Variants in DYNC1I2 observed in about 807,000 individuals in gnomAD.
DYNC1I2 encodes the protein dynein cytoplasmic 1 intermediate chain 2.
DYNC1I2 carries 53 observed loss-of-function variants against 88.6 expected under a neutral mutation model. The ratio of observed to expected loss-of-function variants is 0.60; its 90% CI spans 0.48 to 0.75. DYNC1I2 has a LOEUF of 0.75. DYNC1I2 is among the 30% of genes least tolerant of loss of function. DYNC1I2 has a pLI of 0.00. For missense variants in DYNC1I2, 458 were observed against 766.6 expected (o/e 0.60, Z 4.75); for synonymous variants, 198 against 254.6 (o/e 0.78, Z 2.12).
intron 10 of DYNC1I2, chr2:171,726,511 C>A: frequency 5.5e-6 from 3 of 546,256 alleles, no homozygotes; most frequent in Non-Finnish European, 9.2e-6. Flanking sequence ...ATGATACAGG[C>A]CAGTTTTACT....
intron 5 of DYNC1I2, among the ~76,000 whole-genome samples, chr2:171,711,868 T>C (rs1391715260): frequency 6.6e-6 from 1 of 152,222 alleles, no homozygotes; most frequent in East Asian, 1.9e-4. Flanking sequence ...AAATGTATTG[T>C]GCTTAACTTT....
intron 14 of DYNC1I2, 141 bp downstream of exon 14, chr2:171,728,991 A>T: frequency 1.2e-6 from 1 of 869,416 alleles, no homozygotes; most frequent in Non-Finnish European, 1.7e-6. Context: ...ACATAAAATT[A>T]AAACTTAATA....
chr2:171,696,050 G>T (rs982972500), intron 3 of DYNC1I2, among the ~76,000 whole-genome samples: 2 of 152,104 alleles, frequency 1.3e-5, no homozygotes, highest in Non-Finnish European at 2.9e-5. Context: ...TATGATTGAG[G>T]TTCTTTATCT....
At chr2:171,722,074 A>G (rs914558419) in intron 7 of DYNC1I2, among the ~76,000 whole-genome samples, 1 of 152,168 alleles carries the variant, frequency 6.6e-6, no homozygotes, top group African/African-American at 2.4e-5. Flanking sequence ...GGTACAGATG[A>G]GAAAACTTGC....
intron 7 of DYNC1I2, among the ~76,000 whole-genome samples, chr2:171,719,239 A>G (rs972397290): frequency 6.6e-6 from 1 of 152,144 alleles, no homozygotes; most frequent in Non-Finnish European, 1.5e-5. Context: ...TATAAAAATG[A>G]GATATTTGGG....
intron 16 of DYNC1I2, among the ~76,000 whole-genome samples, chr2:171,745,064 T>C (rs1401430247): frequency 1.3e-5 from 2 of 152,216 alleles, no homozygotes; most frequent in Non-Finnish European, 2.9e-5. Context: ...TGGGGTTAAA[T>C]TATTTGGGGA....
intron 7 of DYNC1I2, among the ~76,000 whole-genome samples, chr2:171,720,486 A>T (rs1356440157): frequency 6.6e-6 from 1 of 152,126 alleles, no homozygotes; most frequent in Non-Finnish European, 1.5e-5. Context: ...TAATCCTAGC[A>T]CTTTGGGAGG....
intron 4 of DYNC1I2, chr2:171,707,006 A>G: frequency 1.9e-6 from 1 of 529,622 alleles, no homozygotes; most frequent in South Asian, 2.3e-5. Context: ...GATGGATGAG[A>G]TGAAGATGCA....
intron 16 of DYNC1I2, among the ~76,000 whole-genome samples, chr2:171,744,787 C>T (rs1689672998): frequency 6.6e-6 from 1 of 152,108 alleles, no homozygotes; most frequent in Non-Finnish European, 1.5e-5. Context: ...TTTTTAGTCA[C>T]ATGTATTTTT....
Position 171,712,822 on chromosome 2 carries a change from T to G in DYNC1I2, c.391T>G (p.Leu131Val), listed in dbSNP as rs748000602. The change falls in exon 6 of 18, where the codon TTG becomes GTG. Residue 131 changes from leucine (L) to valine (V), a missense_variant. Leu to Val is a conservative substitution (Grantham distance 32). Transcript: ENST00000397119. ...SVLQLHSDSD[L>V]GRGPIKLGMA... ...TCTTCAGCTTCACTCAGATTCCGAT[T>G]TGGGGTATTGAATAGATTTTTTACC... 3 of 1,612,958 alleles carry G rather than the reference T, an allele frequency of 1.9e-6. No individual in the cohort carries two copies. In the Admixed American group the frequency reaches 5.0e-5, roughly 27 times the overall value.
intron 3 of DYNC1I2, among the ~76,000 whole-genome samples, chr2:171,694,111 C>T (rs2105465732): frequency 6.6e-6 from 1 of 151,542 alleles, no homozygotes; most frequent in East Asian, 2.0e-4. Context: ...AATCTCGGCT[C>T]ACTGCAACCT....
intron 16 of DYNC1I2, among the ~76,000 whole-genome samples, chr2:171,745,422 A>G (rs1022918715): frequency 1.1e-4 from 17 of 152,242 alleles, no homozygotes; most frequent in African/African-American, 3.6e-4. Context: ...CAACTGAACC[A>G]TAATCTGCTT....
At chr2:171,719,300 A>T (rs1161848646) in intron 7 of DYNC1I2, among the ~76,000 whole-genome samples, 3 of 152,214 alleles carry the variant, frequency 2.0e-5, no homozygotes, top group Admixed American at 6.5e-5. Context: ...ATATCATTAC[A>T]GTTATTTTCA....
intron 3 of DYNC1I2, among the ~76,000 whole-genome samples, chr2:171,704,333 T>G (rs1202234193): frequency 7.3e-6 from 1 of 136,950 alleles, no homozygotes; most frequent in South Asian, 2.3e-4. Flanking sequence ...ATGGTTTAGC[T>G]TTTTTTTTTT....
intron 13 of DYNC1I2, 94 bp downstream of exon 13, chr2:171,728,512 A>C (rs975827910): frequency 2.3e-6 from 2 of 855,032 alleles, no homozygotes; most frequent in African/African-American, 3.5e-5. Flanking sequence ...ACTGTTTTAT[A>C]GTAGTGTTAC....
Position 171,744,119 on chromosome 2 carries a change from A to T in DYNC1I2, c.1607A>T (p.His536Leu). 6.2e-7 allele frequency: 1 copy of T among 1,613,542 alleles called. No homozygotes were observed. The highest frequency in any genetic ancestry group is 8.5e-7 in the Non-Finnish European group (1 of 1,179,732). ...TATGATGTTATGTGGTCACCTACCC[A>T]CCCAGCCCTGTTTGCCTGTGTGGAT... ...YVYDVMWSPT[H>L]PALFACVDGM... Residue 536 changes from histidine (H) to leucine (L), a missense_variant, in exon 16 of 18, where the codon CAC (histidine) becomes CTC (leucine). Physicochemically the swap from His to Leu is moderately conservative, Grantham distance 99. Around this residue, in one of 5 missense-constraint regions of DYNC1I2, gnomAD observed 188 missense variants for 300.4 expected, o/e 0.63. Coordinates refer to ENST00000397119, the MANE Select transcript of DYNC1I2 (RefSeq NM_001378.3).
In DYNC1I2 at chr2:171,735,149, C is replaced by T. The variant is rs145401421; in HGVS notation, c.1536+5296C>T. ...CCCTGATAGCAAAACAAGATTTCTT[C>T]CTTTTCTCTCTTTCTATGATAAAAA... On this transcript the variant is annotated intron_variant, in intron 15 of 17. Coordinates refer to ENST00000397119, the MANE Select transcript of DYNC1I2 (RefSeq NM_001378.3). Among the ~76,000 whole-genome samples, 39 of 152,276 alleles carry T rather than the reference C, an allele frequency of 2.6e-4. 1 individual carries two copies. The highest frequency in any genetic ancestry group is 6.8e-3 in the Middle Eastern group (2 of 294).
At position 171,747,811 on chromosome 2, in the gene DYNC1I2, G is replaced by A. The variant is rs1021198494; in HGVS notation, c.1839G>A (p.Arg613=). The part of the protein sequence containing the change: ...IAVPRNDEWA[R]FGRTLAEINA... ...TTCCCCGCAATGATGAATGGGCACG[G>A]TTTGGCCGAACACTTGCAGAAATTA... The change falls in exon 18 of 18, where the codon CGG becomes CGA. Residue 613 remains arginine (R), a synonymous_variant. Transcript: ENST00000397119. 1.2e-6 allele frequency: 2 copies of A among 1,611,156 alleles called. No homozygotes were observed. Among genetic ancestry groups the A allele is most frequent in the Non-Finnish European group, 1.7e-6 (2 of 1,179,346 alleles).
rs1043623378 is a variant in DYNC1I2 at position 171,745,814 on chromosome 2, A to G, written c.1690A>G (p.Ser564Gly). 6.8e-6 allele frequency: 11 copies of G among 1,613,420 alleles called. No individual in the cohort carries two copies. Among genetic ancestry groups the G allele is most frequent in the South Asian group, 2.2e-5 (2 of 90,946 alleles). Residue 564 changes from serine to glycine, a missense_variant, in exon 17 of 18, where the codon AGC (serine) becomes GGC (glycine). Coordinates refer to ENST00000397119, the MANE Select transcript of DYNC1I2 (RefSeq NM_001378.3). Reference sequence around the variant, plus strand: ...TAAATGACTTTAGGTACCAACTGCCAGCATTTCTGTGGAGGGTAATCCTGC... The same window carrying G: ...TAAATGACTTTAGGTACCAACTGCCGGCATTTCTGTGGAGGGTAATCCTGC... The part of the protein sequence containing the change: ...LNNDTEVPTA[S>G]ISVEGNPALN...
Sources: allele counts gnomAD v4.1 joint callset (sites outside exome capture counted in the v4.1 genomes callset), GRCh38; gene constraint gnomAD v4.1.1; regional missense constraint gnomAD v4.1.1; transcripts MANE v1.5; gene names NCBI Gene and HGNC (gene_info 2026-07-23, HGNC 2026-07-21).